The following KLRG1 variants were observed in gnomAD, a reference collection of about 807,000 sequenced individuals.
The protein encoded by KLRG1 is killer cell lectin-like receptor subfamily G member 1.
Under a neutral mutation model 21.8 loss-of-function variants are expected in KLRG1, and 16 were observed. The ratio of observed to expected loss-of-function variants is 0.73; its 90% CI spans 0.50 to 1.11. The LOEUF (loss-of-function observed/expected upper bound fraction) is 1.11. KLRG1 is among the 50% of genes most tolerant of loss of function. KLRG1 has a pLI of 0.00. For synonymous variants in KLRG1, 69 were observed against 75.9 expected, an observed-to-expected ratio of 0.91 and a Z score of 0.47; for missense variants, 173 against 218.3, an observed-to-expected ratio of 0.79 and a Z score of 1.31.
Position 8,995,971 on chromosome 12 carries a change from C to T in KLRG1, c.357+683C>T, listed in dbSNP as rs1392934016. Among the ~76,000 whole-genome samples the T allele has an allele frequency of 7.9e-5, 12 of 152,200 alleles. No homozygotes were observed. In the South Asian group the frequency reaches 2.3e-3, roughly 29 times the overall value. ...TGCTGGGATTACAGGCATGAGCCAC[C>T]GTGCCAGTCCTTATATAGTGGAACT... On this transcript the variant is annotated intron_variant, in intron 3 of 4. Coordinates refer to ENST00000356986, the MANE Select transcript of KLRG1 (RefSeq NM_005810.4).
the KLRG1 span, among the ~76,000 whole-genome samples, chr12:9,127,385 T>G: frequency 1.3e-5 from 2 of 152,214 alleles, no homozygotes; most frequent in African/African-American, 4.8e-5. Flanking sequence ...TGGTGTTTTA[T>G]CAGCCCTTTT....
chr12:9,123,492 G>A, the KLRG1 span, among the ~76,000 whole-genome samples: 1 of 152,166 alleles, frequency 6.6e-6, no homozygotes, highest in Non-Finnish European at 1.5e-5. Flanking sequence ...AGCATATACA[G>A]CATGGATACG....
At chr12:9,197,375 A>G in the KLRG1 span, among the ~76,000 whole-genome samples, 6 of 142,422 alleles carry the variant, frequency 4.2e-5, no homozygotes, top group Non-Finnish European at 9.0e-5. Context: ...ATTTTTATAT[A>G]TTTAATATAT....
At chr12:9,069,043 A>G in the KLRG1 span, 1 of 471,352 alleles carries the variant, frequency 2.1e-6, no homozygotes, top group South Asian at 4.3e-5. Flanking sequence ...AACATAACGC[A>G]TATACCTCTG....
chr12:8,983,395 CTTTTTT>C lies in KLRG1; in HGVS notation c.-155-8794_-155-8789del, dbSNP rs764267755. Among the ~76,000 whole-genome samples, 77 of 89,518 alleles carry C rather than the reference CTTTTTT, an allele frequency of 8.6e-4. 3 individuals carry two copies. The highest frequency in any genetic ancestry group is 3.5e-3 in the African/African-American group (75 of 21,728). 58.7% of individuals were successfully genotyped at this position (89,518 alleles called of 152,430 possible). A position where few individuals can be genotyped will look rare whatever the true frequency, so the allele number is the denominator to read the frequency against. ...TGTATTGGCAGTCTTACCATTTTAC[CTTTTTT>C]TTTTTTTTTTTTTTTTGAGACAGAG... is the stretch of plus-strand genomic sequence containing the variant. On this transcript the variant is annotated intron_variant, in intron 1 of 4. Coordinates refer to the KLRG1 transcript ENST00000539240.
At chr12:8,974,459 G>A (rs953820307) in intron 1 of KLRG1, among the ~76,000 whole-genome samples, 2 of 152,116 alleles carry the variant, frequency 1.3e-5, no homozygotes, top group African/African-American at 2.4e-5. Flanking sequence ...GAGCCACTGC[G>A]CCCGGCTGTC....
At chr12:9,196,639 A>C in the KLRG1 span, 8 of 1,613,724 alleles carry the variant, frequency 5.0e-6, no homozygotes, top group Non-Finnish European at 6.8e-6. Context: ...TGTAATCTGG[A>C]GCATTTTGGT....
chr12:8,985,609 A>G (rs1041852884), upstream of KLRG1, among the ~76,000 whole-genome samples: 1 of 152,184 alleles, frequency 6.6e-6, no homozygotes, highest in African/African-American at 2.4e-5. Context: ...AGTTCAGTTA[A>G]TTTGCTGGAG....
the KLRG1 span, among the ~76,000 whole-genome samples, chr12:9,111,019 T>C: frequency 2.6e-5 from 4 of 152,172 alleles, no homozygotes; most frequent in Non-Finnish European, 4.4e-5. Flanking sequence ...TATGTTCAGA[T>C]GTAATCATTA....
chr12:9,159,002 T>C, the KLRG1 span, among the ~76,000 whole-genome samples: 4 of 152,206 alleles, frequency 2.6e-5, no homozygotes, highest in African/African-American at 9.7e-5. Context: ...TCAGTAAATA[T>C]TTCCCTCCAT....
chr12:9,089,579 A>G, the KLRG1 span, among the ~76,000 whole-genome samples: 1 of 152,050 alleles, frequency 6.6e-6, no homozygotes, highest in Non-Finnish European at 1.5e-5. Flanking sequence ...TGTCTCTACT[A>G]AAAATACAAA....
chr12:9,021,094 G>T, the KLRG1 span, among the ~76,000 whole-genome samples: 1 of 152,096 alleles, frequency 6.6e-6, no homozygotes. Flanking sequence ...CAGTATAAAA[G>T]ATAAAAAATG....
chr12:9,135,722 A>C, the KLRG1 span: 12 of 179,736 alleles, frequency 6.7e-5, no homozygotes, highest in East Asian at 2.1e-3. Context: ...TAGAGTGGTA[A>C]ACATTTTTTT....
At chr12:8,983,043 A>C (rs1281957873) in intron 1 of KLRG1, among the ~76,000 whole-genome samples, 2 of 152,190 alleles carry the variant, frequency 1.3e-5, no homozygotes, top group Non-Finnish European at 2.9e-5. Context: ...GAATTCAATT[A>C]TTGATAAGAC....
chr12:9,091,115 T>C, the KLRG1 span: 1 of 1,444,014 alleles, frequency 6.9e-7, no homozygotes, highest in Non-Finnish European at 9.6e-7. Flanking sequence ...ATATTTTGCA[T>C]ACAAGAGTTT....
chr12:9,181,213 C>G, the KLRG1 span: 1 of 1,566,874 alleles, frequency 6.4e-7, no homozygotes, highest in Non-Finnish European at 8.7e-7. Flanking sequence ...CTAAGCCACC[C>G]TTATATTCAG....
At chr12:8,984,706 A>G (rs1946813991), upstream of KLRG1, among the ~76,000 whole-genome samples, 1 of 152,220 alleles carries the variant, frequency 6.6e-6, no homozygotes, top group Non-Finnish European at 1.5e-5. Flanking sequence ...TTATGCAGAT[A>G]TTAAAGTCCT....
intron 3 of KLRG1, among the ~76,000 whole-genome samples, chr12:9,002,887 T>C (rs1222018303): frequency 6.8e-6 from 1 of 147,134 alleles, no homozygotes; most frequent in Non-Finnish European, 1.5e-5. Context: ...TTCATGCTGC[T>C]TCTATATTCT....
At chr12:9,060,244 G>C in the KLRG1 span, among the ~76,000 whole-genome samples, 1 of 151,148 alleles carries the variant, frequency 6.6e-6, no homozygotes, top group Non-Finnish European at 1.5e-5. Context: ...GGATGGTCTC[G>C]ATCTCCTGAC....
Sources: allele counts gnomAD v4.1 joint callset (sites outside exome capture counted in the v4.1 genomes callset), GRCh38; gene constraint gnomAD v4.1.1; transcripts MANE v1.5; gene names NCBI Gene and HGNC (gene_info 2026-07-23, HGNC 2026-07-21).